The following TEX9 variants were observed in gnomAD, a reference collection of about 807,000 sequenced individuals.
TEX9 encodes the protein testis-expressed protein 9.
A neutral mutation model predicts 59.6 loss-of-function variants in TEX9; 74 were observed. That is an observed-to-expected ratio of 1.24 (90% CI 1.03 to 1.51). TEX9 has a LOEUF of 1.51. Among genes scored for constraint, TEX9 ranks in the 40% most tolerant of loss-of-function variants. The probability of loss-of-function intolerance (pLI) is 0.00; values close to 1 mark genes in which losing one functional copy is unlikely to be tolerated. For missense variants in TEX9, 522 were observed against 447.8 expected, an observed-to-expected ratio of 1.17 and a Z score of -1.49; for synonymous variants, 186 against 152.2, an observed-to-expected ratio of 1.22 and a Z score of -1.64.
At chr15:56,352,989 T>TTC (rs2046614773) in intron 1 of TEX9, among the ~76,000 whole-genome samples, 1 of 152,204 alleles carries the variant, frequency 6.6e-6, no homozygotes, top group South Asian at 2.1e-4. Flanking sequence ...TTCCCAGGCT[T>TTC]TCCTATTGTT....
intron 6 of TEX9, among the ~76,000 whole-genome samples, chr15:56,389,667 A>T (rs1489509510): frequency 1.3e-5 from 2 of 150,322 alleles, no homozygotes; most frequent in Non-Finnish European, 3.0e-5. Context: ...CTAGTGAGTT[A>T]TTCTCTTAGA....
At chr15:56,431,948 A>G (rs1315876624) in intron 12 of TEX9, among the ~76,000 whole-genome samples, 23 of 152,110 alleles carry the variant, frequency 1.5e-4, no homozygotes, top group African/African-American at 5.6e-4. Context: ...TTCCACTAGT[A>G]TTTCTTAGGA....
At chr15:56,296,404 G>A (rs2045219532) in intron 1 of TEX9, among the ~76,000 whole-genome samples, 1 of 151,574 alleles carries the variant, frequency 6.6e-6, no homozygotes, top group Admixed American at 6.6e-5. Context: ...TCAAGATGAA[G>A]ACATTGTGTT....
At chr15:56,399,894 C>T (rs2048685016) in intron 9 of TEX9, among the ~76,000 whole-genome samples, 1 of 152,156 alleles carries the variant, frequency 6.6e-6, no homozygotes, top group African/African-American at 2.4e-5. Context: ...GATGAGGGAC[C>T]TAACTGTTAC....
intron 1 of TEX9, among the ~76,000 whole-genome samples, chr15:56,272,525 G>A (rs1271743169): frequency 6.6e-6 from 1 of 152,106 alleles, no homozygotes; most frequent in Non-Finnish European, 1.5e-5. Flanking sequence ...TAGGCACTTG[G>A]GTTGTTTTCA....
chr15:56,431,631 G>A (rs1468432642), intron 12 of TEX9: 1 of 631,010 alleles, frequency 1.6e-6, no homozygotes, highest in Non-Finnish European at 2.4e-6. Context: ...AAAGATTCTA[G>A]ATAATATATA....
chr15:56,332,943 A>G (rs2046182164), intron 1 of TEX9, among the ~76,000 whole-genome samples: 1 of 152,190 alleles, frequency 6.6e-6, no homozygotes, highest in South Asian at 2.1e-4. Context: ...ATTGCTAGAT[A>G]CATAAAACCT....
At chr15:56,342,149 C>T (rs923591271) in intron 1 of TEX9, among the ~76,000 whole-genome samples, 2 of 152,110 alleles carry the variant, frequency 1.3e-5, no homozygotes, top group Admixed American at 6.6e-5. Context: ...CACTTGACAC[C>T]GTCATCAGTT....
At chr15:56,350,222 T>C (rs12442236) in intron 1 of TEX9, among the ~76,000 whole-genome samples, 6,692 of 152,304 alleles carry the variant, frequency 0.044, 224 homozygotes, top group Admixed American at 0.087. Context: ...ATTATTTCTG[T>C]ATTAATATGC....
intron 3 of TEX9, among the ~76,000 whole-genome samples, chr15:56,375,259 T>C (rs1480191857): frequency 1.3e-5 from 2 of 152,212 alleles, no homozygotes; most frequent in East Asian, 1.9e-4. Flanking sequence ...ATTTCTCTGA[T>C]AGCCAGTGAT....
At chr15:56,252,312 A>G (rs1321398073) in intron 1 of TEX9, among the ~76,000 whole-genome samples, 1 of 151,560 alleles carries the variant, frequency 6.6e-6, no homozygotes, top group African/African-American at 2.4e-5. Context: ...TCTCCAACAT[A>G]TACTATAGTC....
chr15:56,414,112 C>G (rs1332254240), intron 10 of TEX9, among the ~76,000 whole-genome samples: 1 of 151,702 alleles, frequency 6.6e-6, no homozygotes, highest in Non-Finnish European at 1.5e-5. Context: ...GAATAACCAC[C>G]TAGGTATCAG....
At chr15:56,319,722 A>C (rs549025048) in intron 1 of TEX9, among the ~76,000 whole-genome samples, 1 of 152,176 alleles carries the variant, frequency 6.6e-6, no homozygotes, top group Non-Finnish European at 1.5e-5. Flanking sequence ...AATTGGCCCT[A>C]TGATCAATTC....
chr15:56,417,867 T>C (rs1411960156), intron 10 of TEX9, among the ~76,000 whole-genome samples: 1 of 151,988 alleles, frequency 6.6e-6, no homozygotes, highest in African/African-American at 2.4e-5. Flanking sequence ...TGGGTGCTTC[T>C]GTGTTGTGTG....
the TEX9 span, among the ~76,000 whole-genome samples, chr15:56,459,265 A>G: frequency 6.6e-6 from 1 of 152,218 alleles, no homozygotes; most frequent in Non-Finnish European, 1.5e-5. Context: ...TTCAAGGTTC[A>G]TCCGTGTTGT....
intron 1 of TEX9, among the ~76,000 whole-genome samples, chr15:56,331,130 C>T (rs559293101): frequency 4.6e-5 from 7 of 152,078 alleles, no homozygotes; most frequent in Non-Finnish European, 8.8e-5. Flanking sequence ...GTGCAGCCAA[C>T]ATTGGAGGAC....
chr15:56,275,063 C>G (rs1367578150), intron 1 of TEX9, among the ~76,000 whole-genome samples: 1 of 152,144 alleles, frequency 6.6e-6, no homozygotes, highest in East Asian at 1.9e-4. Context: ...TTAGTTTAGC[C>G]TCATTCTTCA....
intron 1 of TEX9, among the ~76,000 whole-genome samples, chr15:56,311,110 G>A (rs1338558915): frequency 6.9e-6 from 1 of 144,432 alleles, no homozygotes; most frequent in Non-Finnish European, 1.5e-5. Flanking sequence ...CTTCTCCCTT[G>A]GTGACTCCTT....
intron 1 of TEX9, among the ~76,000 whole-genome samples, chr15:56,249,742 C>CA (rs11440856): frequency 0.14 from 3,554 of 25,262 alleles, 520 homozygotes; most frequent in Middle Eastern, 0.17. Context: ...GGATCTGTCT[C>CA]AAAAAAAAAA....
Sources: allele counts gnomAD v4.1 joint callset (sites outside exome capture counted in the v4.1 genomes callset), GRCh38; gene constraint gnomAD v4.1.1; transcripts MANE v1.5; gene names NCBI Gene and HGNC (gene_info 2026-07-23, HGNC 2026-07-21).